Variants in SHISA8 observed in about 807,000 individuals in gnomAD.
The protein encoded by SHISA8 is protein shisa-8.
SHISA8 carries 21 observed loss-of-function variants against 21.1 expected under a neutral mutation model. The ratio of observed to expected loss-of-function variants is 0.99; its 90% CI spans 0.71 to 1.43. SHISA8 has a LOEUF of 1.43. Ranked by LOEUF, SHISA8 falls within the 40% of genes most tolerant of loss-of-function variation. The pLI is 0.00. For missense variants in SHISA8, 535 were observed against 599.1 expected (o/e 0.89, Z 1.12); for synonymous variants, 300 against 291.4 (o/e 1.03, Z -0.30).
Position 41,910,213 on chromosome 22 carries a change from G to A in SHISA8, c.812-66C>T. 8.1e-7 allele frequency: 1 copy of A among 1,227,246 alleles called. No individual in the cohort carries two copies. The highest frequency in any genetic ancestry group is 1.0e-6 in the Non-Finnish European group (1 of 985,172). 76.0% of individuals were successfully genotyped at this position (1,227,246 alleles called of 1,614,324 possible). On this transcript the variant is annotated intron_variant, in intron 3 of 3. Coordinates refer to ENST00000621082, the MANE Select transcript of SHISA8 (RefSeq NM_001207020.3). This position sits in a 1 kb window ranked among gnomAD's most constrained non-coding sequence, Gnocchi z 6.8. ...ACCCAAGCTCAGGACTGGACAAGGG[G>A]TCCCGGCCGGGGACTGGGACGGGGA...
chr22:41,912,268 T>C (rs1432332250), intron 1 of SHISA8, among the ~76,000 whole-genome samples: 25 of 152,210 alleles, frequency 1.6e-4, no homozygotes, highest in Non-Finnish European at 4.4e-5. Flanking sequence ...GCAGCCCAGC[T>C]GCCTTCAGAA....
Position 41,910,474 on chromosome 22 carries a change from T to C in SHISA8, c.745A>G (p.Ser249Gly). 6.2e-6 allele frequency: 8 copies of C among 1,285,022 alleles called. No individual in the cohort carries two copies. The highest frequency in any genetic ancestry group is 7.8e-6 in the Non-Finnish European group (8 of 1,022,506). The allele number at this position is 1,285,022 out of a possible 1,614,324, so 79.6% of individuals were successfully genotyped here. ...PRGPRLQGGG[S>G]LTLQPDYAKY... ...GCGTAGTCTGGCTGCAGCGTCAGGC[T>C]GCCGCCGCCCTGCAGCCGCGGGCCG... The change falls in exon 3 of 4, where the codon AGC becomes GGC. Residue 249 changes from serine to glycine, a missense_variant. Transcript: ENST00000621082. The surrounding 1 kb of genome is among the most constrained non-coding windows in gnomAD (Gnocchi z 6.8).
chr22:41,914,245 G>C lies in SHISA8; in HGVS notation c.423C>G (p.Ala141=). The C allele has an allele frequency of 1.2e-5, 16 of 1,348,390 alleles. No individual in the cohort carries two copies. Among genetic ancestry groups the C allele is most frequent in the Non-Finnish European group, 1.4e-5 (15 of 1,056,624 alleles). 83.5% of individuals were successfully genotyped at this position (1,348,390 alleles called of 1,614,324 possible). A position where few individuals can be genotyped will look rare whatever the true frequency, so the allele number is the denominator to read the frequency against. ...CTGCGACGCCGCACACAGCGTAGAC[G>C]GCCGTATGGCTGCGCTCGCGGCCGG... is the stretch of plus-strand genomic sequence containing the variant. ...RDPGRERSHT[A]VYAVCGVAAL... Residue 141 remains alanine, a synonymous_variant, in exon 1 of 4, where the codon GCC becomes GCG. Coordinates refer to ENST00000621082, the MANE Select transcript of SHISA8 (RefSeq NM_001207020.3). The surrounding 1 kb of genome is among the most constrained non-coding windows in gnomAD (Gnocchi z 6.8).
Position 41,914,544 on chromosome 22 carries a change from C to T in SHISA8, c.124G>A (p.Glu42Lys), listed in dbSNP as rs1229439838. 4 of 1,194,296 alleles carry T rather than the reference C, an allele frequency of 3.3e-6. No individual in the cohort carries two copies. Among genetic ancestry groups the T allele is most frequent in the African/African-American group, 1.6e-5 (1 of 61,982 alleles). The allele number at this position is 1,194,296 out of a possible 1,614,324, so 74.0% of individuals were successfully genotyped here. Reference protein sequence around the residue: ...RPPSGRAGAPEAQGPAAPGTT... With the variant: ...RPPSGRAGAPKAQGPAAPGTT... The stretch of plus-strand genomic sequence containing the variant: ...CCGGGCGCCGCGGGACCCTGCGCCT[C>T]GGGGGCTCCCGCGCGGCCCGACGGC... The change falls in exon 1 of 4, where the codon GAG becomes AAG. Residue 42 changes from glutamate (E) to lysine (K), a missense_variant. Transcript: ENST00000621082. This position sits in a 1 kb window ranked among gnomAD's most constrained non-coding sequence, Gnocchi z 6.8.
Position 41,914,442 on chromosome 22 carries a change from A to G in SHISA8, c.226T>C (p.Cys76Arg). The G allele has an allele frequency of 7.4e-7, 1 of 1,356,750 alleles. No individual in the cohort carries two copies. Among genetic ancestry groups the G allele is most frequent in the Non-Finnish European group, 9.5e-7 (1 of 1,050,554 alleles). 84.0% of individuals were successfully genotyped at this position (1,356,750 alleles called of 1,614,324 possible). A position where few individuals can be genotyped will look rare whatever the true frequency, so the allele number is the denominator to read the frequency against. Residue 76 changes from cysteine (C) to arginine (R), a missense_variant, in exon 1 of 4, where the codon TGC becomes CGC. Transcript: ENST00000621082. This position sits in a 1 kb window ranked among gnomAD's most constrained non-coding sequence, Gnocchi z 6.8. ...CAGAAGCTGTAGGCTCCGGAGCTGC[A>G]GTTGAAGGGCGGGTCCCACTGGCCC... ...VMGQWDPPFN[C>R]SSGAYSFCCG...
chr22:41,910,157 C>G lies in SHISA8; in HGVS notation c.812-10G>C. 8.1e-7 allele frequency: 1 copy of G among 1,236,604 alleles called. No individual in the cohort carries two copies. Among genetic ancestry groups the G allele is most frequent in the Non-Finnish European group, 1.0e-6 (1 of 992,970 alleles). The allele number at this position is 1,236,604 out of a possible 1,614,324, so 76.6% of individuals were successfully genotyped here. A position where few individuals can be genotyped will look rare whatever the true frequency, so the allele number is the denominator to read the frequency against. Reference sequence around the variant, plus strand: ...TCCCGCGGGGCGGCCTCTGCGGGGACAGGGCAGGGAAGAGTGACGCCGCGC... The same window carrying G: ...TCCCGCGGGGCGGCCTCTGCGGGGAGAGGGCAGGGAAGAGTGACGCCGCGC... On this transcript the variant is annotated splice_polypyrimidine_tract_variant and intron_variant, in intron 3 of 3. Transcript: ENST00000621082. The surrounding 1 kb of genome is among the most constrained non-coding windows in gnomAD (Gnocchi z 6.8).
rs2077540895 is a variant in SHISA8 at position 41,910,345 on chromosome 22, C to T, written c.811+63G>A. Reference sequence around the variant, plus strand: ...TTTGGCGCTTGGAGCTGCGGCCCCGCGCTTCGCAGTCCGGGAGCTCGTGCG... The same window carrying T: ...TTTGGCGCTTGGAGCTGCGGCCCCGTGCTTCGCAGTCCGGGAGCTCGTGCG... On this transcript the variant is annotated intron_variant, in intron 3 of 3. Coordinates refer to ENST00000621082, the MANE Select transcript of SHISA8 (RefSeq NM_001207020.3). This position sits in a 1 kb window ranked among gnomAD's most constrained non-coding sequence, Gnocchi z 6.8. The T allele has an allele frequency of 1.6e-6, 2 of 1,260,044 alleles. No homozygotes were observed. The highest frequency in any genetic ancestry group is 2.0e-6 in the Non-Finnish European group (2 of 1,002,164). 78.1% of individuals were successfully genotyped at this position (1,260,044 alleles called of 1,614,324 possible).
rs1196563780 is a variant in SHISA8, at chr22:41,910,234, G to A, written c.812-87C>T. 3 of 1,225,732 alleles carry A rather than the reference G, an allele frequency of 2.4e-6. No homozygotes were observed. In the African/African-American group the frequency reaches 4.7e-5, roughly 19 times the overall value. The allele number at this position is 1,225,732 out of a possible 1,614,324, so 75.9% of individuals were successfully genotyped here. ...AGGGGTCCCGGCCGGGGACTGGGAC[G>A]GGGACCGGGCCGGGGCGGGCCGGGG... On this transcript the variant is annotated intron_variant, in intron 3 of 3. Transcript: ENST00000621082. This position sits in a 1 kb window ranked among gnomAD's most constrained non-coding sequence, Gnocchi z 6.8.
In SHISA8 at chr22:41,914,794, C is replaced by G; in HGVS notation, c.-127G>C. 5.7e-6 allele frequency: 4 copies of G among 696,126 alleles called. No homozygotes were observed. In the South Asian group the frequency reaches 2.6e-4, roughly 44 times the overall value. 43.1% of individuals were successfully genotyped at this position (696,126 alleles called of 1,614,324 possible). ...CGCACGCCGCCTCGGCCGTCGGCCT[C>G]CTCTGGGGACCCCAGCCCCGAGTGG... On this transcript the variant is annotated 5_prime_UTR_variant, in exon 1 of 4. Transcript: ENST00000621082. The surrounding 1 kb of genome is among the most constrained non-coding windows in gnomAD (Gnocchi z 6.8).
In SHISA8 at chr22:41,910,260, G is replaced by A. The variant is rs2077539911; in HGVS notation, c.812-113C>T. ...GGGACCGGGCCGGGGCGGGCCGGGGGCGGGGCCCGCTGGGGCGAGGGAGCC... is the reference window on the plus strand; with the variant it reads ...GGGACCGGGCCGGGGCGGGCCGGGGACGGGGCCCGCTGGGGCGAGGGAGCC... On this transcript the variant is annotated intron_variant, in intron 3 of 3. Coordinates refer to ENST00000621082, the MANE Select transcript of SHISA8 (RefSeq NM_001207020.3). The surrounding 1 kb of genome is among the most constrained non-coding windows in gnomAD (Gnocchi z 6.8). 3.3e-6 allele frequency: 4 copies of A among 1,224,544 alleles called. No homozygotes were observed. Among genetic ancestry groups the A allele is most frequent in the East Asian group, 6.5e-5 (2 of 30,626 alleles). 75.9% of individuals were successfully genotyped at this position (1,224,544 alleles called of 1,614,324 possible). A position where few individuals can be genotyped will look rare whatever the true frequency, so the allele number is the denominator to read the frequency against.
rs1220006676 is a variant in SHISA8, at chr22:41,911,322, C to T, written c.558G>A (p.Pro186=). ...TRALTELLKQ[P]GPQEPLPPTL... is the part of the protein sequence containing the mutation. ...TGGGAGGCAGTGGCTCCTGGGGGCCCGGCTGCTTCAGAAGCTCTGTCAGCG... is the reference window on the plus strand; with the variant it reads ...TGGGAGGCAGTGGCTCCTGGGGGCCTGGCTGCTTCAGAAGCTCTGTCAGCG... The change falls in exon 2 of 4, where the codon CCG becomes CCA. Residue 186 remains proline (P), a synonymous_variant. Coordinates refer to ENST00000621082, the MANE Select transcript of SHISA8 (RefSeq NM_001207020.3). 2 of 1,245,532 alleles carry T rather than the reference C, an allele frequency of 1.6e-6. No individual in the cohort carries two copies. The highest frequency in any genetic ancestry group is 3.5e-5 in the South Asian group (1 of 28,632). 77.2% of individuals were successfully genotyped at this position (1,245,532 alleles called of 1,614,324 possible). A position where few individuals can be genotyped will look rare whatever the true frequency, so the allele number is the denominator to read the frequency against.
At position 41,914,455 on chromosome 22, in the gene SHISA8, G is replaced by A; in HGVS notation, c.213C>T (p.Asp71=). ...RGYYDVMGQW[D]PPFNCSSGAY... is the part of the protein sequence containing the mutation. ...CTCCGGAGCTGCAGTTGAAGGGCGG[G>A]TCCCACTGGCCCATCACGTCGTAGT... The change falls in exon 1 of 4, where the codon GAC becomes GAT. Residue 71 remains aspartate (D), a synonymous_variant. Coordinates refer to ENST00000621082, the MANE Select transcript of SHISA8 (RefSeq NM_001207020.3). The surrounding 1 kb of genome is among the most constrained non-coding windows in gnomAD (Gnocchi z 6.8). The A allele has an allele frequency of 7.4e-7, 1 of 1,355,252 alleles. No homozygotes were observed. Among genetic ancestry groups the A allele is most frequent in the Non-Finnish European group, 9.5e-7 (1 of 1,049,850 alleles). The allele number at this position is 1,355,252 out of a possible 1,614,324, so 84.0% of individuals were successfully genotyped here. A position where few individuals can be genotyped will look rare whatever the true frequency, so the allele number is the denominator to read the frequency against.
At chr22:41,912,097 T>A (rs992122961) in intron 1 of SHISA8, among the ~76,000 whole-genome samples, 1 of 152,164 alleles carries the variant, frequency 6.6e-6, no homozygotes, top group Non-Finnish European at 1.5e-5. Context: ...GGACCTGGGA[T>A]AAAGCTGCCA....
At position 41,914,247 on chromosome 22, in the gene SHISA8, C is replaced by T; in HGVS notation, c.421G>A (p.Ala141Thr). 1 of 1,346,834 alleles carries T rather than the reference C, an allele frequency of 7.4e-7. No individual in the cohort carries two copies. The highest frequency in any genetic ancestry group is 9.5e-7 in the Non-Finnish European group (1 of 1,056,028). 83.4% of individuals were successfully genotyped at this position (1,346,834 alleles called of 1,614,324 possible). Residue 141 changes from alanine to threonine, a missense_variant, in exon 1 of 4, where the codon GCC becomes ACC. Physicochemically the swap from Ala to Thr is moderately conservative, Grantham distance 58 (BLOSUM62 0). Transcript: ENST00000621082. This position sits in a 1 kb window ranked among gnomAD's most constrained non-coding sequence, Gnocchi z 6.8. ...GCGACGCCGCACACAGCGTAGACGG[C>T]CGTATGGCTGCGCTCGCGGCCGGGG... The part of the protein sequence containing the change: ...RDPGRERSHT[A>T]VYAVCGVAAL...
At chr22:41,913,379 G>A (rs1039819690) in intron 1 of SHISA8, among the ~76,000 whole-genome samples, 1 of 152,242 alleles carries the variant, frequency 6.6e-6, no homozygotes, top group Admixed American at 6.5e-5. Flanking sequence ...GGTTGCTGGG[G>A]GCATGTGAGT....
At chr22:41,913,834 GC>G (rs2077566535) in intron 1 of SHISA8, among the ~76,000 whole-genome samples, 1 of 152,072 alleles carries the variant, frequency 6.6e-6, no homozygotes, top group Non-Finnish European at 1.5e-5. Context: ...GTGACCCGGT[GC>G]CCTCTGTGCA....
Position 41,914,689 on chromosome 22 carries a change from T to G in SHISA8, c.-22A>C, listed in dbSNP as rs1382835756. ...CCATCGGGCCCGCGCCTCCCGCTACTGCGCCCGGTGCATGGCCGGGCGCCG... is the reference window on the plus strand; with the variant it reads ...CCATCGGGCCCGCGCCTCCCGCTACGGCGCCCGGTGCATGGCCGGGCGCCG... On this transcript the variant is annotated 5_prime_UTR_variant, in exon 1 of 4. Coordinates refer to ENST00000621082, the MANE Select transcript of SHISA8 (RefSeq NM_001207020.3). This position sits in a 1 kb window ranked among gnomAD's most constrained non-coding sequence, Gnocchi z 6.8. The G allele has an allele frequency of 2.0e-6, 2 of 1,014,464 alleles. No individual in the cohort carries two copies. Among genetic ancestry groups the G allele is most frequent in the African/African-American group, 3.5e-5 (2 of 57,060 alleles). The allele number at this position is 1,014,464 out of a possible 1,614,324, so 62.8% of individuals were successfully genotyped here.
Position 41,914,188 on chromosome 22 carries a change from G to T in SHISA8, c.480C>A (p.Arg160=). The part of the protein sequence containing the change: ...ALLVLAGIGA[R]LGLERAHSPR... ...GGCTGTGCGCCCTCTCCAGTCCCAG[G>T]CGCGCCCCGATGCCGGCCAGCACCA... Residue 160 remains arginine (R), a synonymous_variant, in exon 1 of 4, where the codon CGC becomes CGA. Transcript: ENST00000621082. The surrounding 1 kb of genome is among the most constrained non-coding windows in gnomAD (Gnocchi z 6.8). The T allele has an allele frequency of 6.8e-7, 1 of 1,467,418 alleles. No individual in the cohort carries two copies. The highest frequency in any genetic ancestry group is 1.3e-5 in the South Asian group (1 of 76,596). The allele number at this position is 1,467,418 out of a possible 1,614,324, so 90.9% of individuals were successfully genotyped here.
chr22:41,910,514 G>A lies in SHISA8; in HGVS notation c.705C>T (p.Ala235=). The change falls in exon 3 of 4, where the codon GCC becomes GCT. Residue 235 remains alanine, a synonymous_variant. Transcript: ENST00000621082. This position sits in a 1 kb window ranked among gnomAD's most constrained non-coding sequence, Gnocchi z 6.8. ...RLNNAPRGSA[A]PGPPRGPRLQ... is the part of the protein sequence containing the mutation. ...GCCGCGGGCCGCGCGGGGGCCCCGG[G>A]GCGGCCGACCCCCGGGGCGCGTTGT... is the stretch of plus-strand genomic sequence containing the variant. 8.0e-7 allele frequency: 1 copy of A among 1,253,770 alleles called. No individual in the cohort carries two copies. Among genetic ancestry groups the A allele is most frequent in the Non-Finnish European group, 9.9e-7 (1 of 1,005,478 alleles). 77.7% of individuals were successfully genotyped at this position (1,253,770 alleles called of 1,614,324 possible).
Sources: gnomAD v4.1 joint callset for allele counts (sites outside exome capture counted in the v4.1 genomes callset) on GRCh38, gnomAD v4.1.1 for gene constraint, Gnocchi (gnomAD v3.1) non-coding constraint, MANE v1.5 for transcripts, NCBI Gene and HGNC (gene_info 2026-07-23, HGNC 2026-07-21) for gene names.